The following LAMC2 variants were observed in gnomAD, a reference collection of about 807,000 sequenced individuals.
LAMC2 encodes laminin subunit gamma-2.
In LAMC2, 97 loss-of-function variants were observed where a neutral mutation model predicts 140.2. That is an observed-to-expected ratio of 0.69 (90% confidence interval 0.59 to 0.82). LAMC2 has a LOEUF of 0.82. Among genes scored for constraint, LAMC2 ranks in the 40% least tolerant of loss-of-function variants. LAMC2 has a pLI of 0.00. For synonymous variants in LAMC2, 513 were observed against 540.2 expected, an observed-to-expected ratio of 0.95 and a Z score of 0.70; for missense variants, 1,402 against 1,476.1, an observed-to-expected ratio of 0.95 and a Z score of 0.82.
In LAMC2 at chr1:183,215,606, A is replaced by C; in HGVS notation, c.404+18A>C. 6.2e-7 allele frequency: 1 copy of C among 1,614,104 alleles called. No homozygotes were observed. The highest frequency in any genetic ancestry group is 2.2e-5 in the East Asian group (1 of 44,884). ...AGACTGCTGTGAGTATTTGCATCCC[A>C]CCATGGCTGTCACTAACTCAGTGAT... On this transcript the variant is annotated intron_variant, in intron 3 of 22. Transcript: ENST00000264144.
intron 1 of LAMC2, among the ~76,000 whole-genome samples, chr1:183,199,071 G>C (rs192338515): frequency 7.4e-6 from 1 of 135,696 alleles, no homozygotes; most frequent in African/African-American, 2.8e-5. Context: ...GGAGATTTCT[G>C]TATGTTCAGG....
chr1:183,232,590 T>C (rs577232963), intron 13 of LAMC2, 62 bp from the exon 14 acceptor site: 9 of 1,448,796 alleles, frequency 6.2e-6, no homozygotes, highest in African/African-American at 1.4e-5. Context: ...CCCTCCGTTA[T>C]GTTTGCTAAC....
chr1:183,234,134 G>A (rs376398864), intron 14 of LAMC2, among the ~76,000 whole-genome samples: 1 of 152,052 alleles, frequency 6.6e-6, no homozygotes, highest in Non-Finnish European at 1.5e-5. Flanking sequence ...TGATTCACCC[G>A]CCCTGGCCTC....
intron 1 of LAMC2, among the ~76,000 whole-genome samples, chr1:183,204,441 AAAAC>A (rs1658818621): frequency 7.0e-6 from 1 of 141,878 alleles, no homozygotes; most frequent in Admixed American, 7.0e-5. Flanking sequence ...ACAAAAACAA[AAAAC>A]AAACAAACAG....
chr1:183,222,614 G>T (rs534865941), intron 6 of LAMC2, among the ~76,000 whole-genome samples: 7 of 151,950 alleles, frequency 4.6e-5, no homozygotes, highest in African/African-American at 1.2e-4. Context: ...TCAGTGGTAC[G>T]TGCCTTGGTG....
the LAMC2 span, among the ~76,000 whole-genome samples, chr1:183,258,421 C>T: frequency 3.3e-5 from 5 of 152,176 alleles, no homozygotes; most frequent in Admixed American, 2.0e-4. Flanking sequence ...CTAACTTAAC[C>T]GACTCCATCT....
At chr1:183,235,985 T>C (rs985837647) in intron 16 of LAMC2, among the ~76,000 whole-genome samples, 5 of 152,188 alleles carry the variant, frequency 3.3e-5, no homozygotes, top group Non-Finnish European at 7.3e-5. Context: ...GGTCACCCTC[T>C]GGTGTTTGAA....
chr1:183,233,136 C>A (rs2102240829), intron 14 of LAMC2, among the ~76,000 whole-genome samples: 1 of 152,330 alleles, frequency 6.6e-6, no homozygotes, highest in Admixed American at 6.5e-5. Context: ...TGCATATCTC[C>A]TAGCTTGTTA....
intron 15 of LAMC2, among the ~76,000 whole-genome samples, chr1:183,235,132 C>A (rs1249828823): frequency 6.6e-6 from 1 of 152,092 alleles, no homozygotes; most frequent in East Asian, 1.9e-4. Context: ...CAGGAGGAAC[C>A]AAAAGTATCC....
chr1:183,234,264 T>C (rs1370396346), intron 14 of LAMC2, 103 bp from the exon 15 acceptor site: 2 of 803,314 alleles, frequency 2.5e-6, no homozygotes, highest in Non-Finnish European at 4.4e-6. Flanking sequence ...CCTGTGTGGC[T>C]AATGACAAGT....
At position 183,244,879 on chromosome 1, in the gene LAMC2, T is replaced by A. The variant is rs1660209426; in HGVS notation, c.*1479T>A. On this transcript the variant is annotated 3_prime_UTR_variant, in exon 23 of 23. Coordinates refer to ENST00000264144, the MANE Select transcript of LAMC2 (RefSeq NM_005562.3). ...CCTTGGATTTTCCTGAAAGTGTTTT[T>A]AAATAAAGAACAATTGTTAGATGCC... 6.6e-6 allele frequency: 1 copy of A among 152,474 alleles called. No homozygotes were observed. The highest frequency in any genetic ancestry group is 2.1e-4 in the South Asian group (1 of 4,832). 9.4% of individuals were successfully genotyped at this position (152,474 alleles called of 1,614,324 possible).
chr1:183,227,758 C>T (rs1280140467), intron 10 of LAMC2, 61 bp downstream of exon 10: 1 of 1,462,118 alleles, frequency 6.8e-7, no homozygotes, highest in Non-Finnish European at 9.6e-7. Flanking sequence ...TGAATGTGTG[C>T]AAATAGCTTC....
At chr1:183,208,218 C>T (rs968649558) in intron 2 of LAMC2, 149 bp downstream of exon 2, 7 of 744,322 alleles carry the variant, frequency 9.4e-6, no homozygotes, top group South Asian at 7.7e-5. Flanking sequence ...GGGAGATGTT[C>T]AACCTCACCA....
At chr1:183,197,447 G>A (rs596263) in intron 1 of LAMC2, among the ~76,000 whole-genome samples, 48,043 of 151,764 alleles carry the variant, frequency 0.32, 7,868 homozygotes, top group East Asian at 0.43. Context: ...CGGTGAGGTG[G>A]GCAAATCACT....
At chr1:183,206,382 G>T (rs762434910) in intron 1 of LAMC2, among the ~76,000 whole-genome samples, 1 of 152,170 alleles carries the variant, frequency 6.6e-6, no homozygotes, top group African/African-American at 2.4e-5. Flanking sequence ...GGTGGCTCAC[G>T]CCTGTAATCC....
intron 1 of LAMC2, among the ~76,000 whole-genome samples, chr1:183,203,433 C>T (rs1275059348): frequency 1.3e-4 from 20 of 152,170 alleles, no homozygotes. Flanking sequence ...AGCCCAGTTG[C>T]AGGAATATTC....
intron 10 of LAMC2, 37 bp downstream of exon 10, chr1:183,227,734 C>G (rs1659673204): frequency 6.3e-7 from 1 of 1,587,940 alleles, no homozygotes; most frequent in South Asian, 1.1e-5. Context: ...CTGCCTCTTC[C>G]TGTCCTGATG....
At chr1:183,247,698 A>G (rs1361559952), downstream of LAMC2, among the ~76,000 whole-genome samples, 1 of 152,242 alleles carries the variant, frequency 6.6e-6, no homozygotes, top group Non-Finnish European at 1.5e-5. Flanking sequence ...GCTAATGGCA[A>G]TCACCATTCA....
At chr1:183,192,856 C>T (rs1322851948) in intron 1 of LAMC2, among the ~76,000 whole-genome samples, 1 of 152,124 alleles carries the variant, frequency 6.6e-6, no homozygotes, top group Non-Finnish European at 1.5e-5. Flanking sequence ...AGGGGTGCAC[C>T]ACCATGCCTG....
Sources: gnomAD v4.1 joint callset for allele counts (sites outside exome capture counted in the v4.1 genomes callset) on GRCh38, gnomAD v4.1.1 for gene constraint, MANE v1.5 for transcripts, NCBI Gene and HGNC (gene_info 2026-07-23, HGNC 2026-07-21) for gene names.